CSTF3: variants seen among roughly 807,000 people sequenced by gnomAD.
CSTF3 encodes the protein cleavage stimulation factor subunit 3, also known as CF-1 77 kDa subunit.
Under a neutral mutation model 105.8 loss-of-function variants are expected in CSTF3, and 29 were observed. The observed-to-expected ratio is 0.27, with a 90% CI of 0.20 to 0.37. The LOEUF (loss-of-function observed/expected upper bound fraction) is 0.37. Among genes scored for constraint, CSTF3 ranks in the 10% least tolerant of loss-of-function variants. The probability of loss-of-function intolerance (pLI) is 1.00; values close to 1 mark genes in which losing one functional copy is unlikely to be tolerated. For synonymous variants in CSTF3, 252 were observed against 281.9 expected (o/e 0.89, Z 1.06); for missense variants, 357 against 879.3 (o/e 0.41, Z 7.51).
chr11:33,108,368 A>C lies in CSTF3; in HGVS notation c.258+18T>G. The C allele has an allele frequency of 6.8e-7, 1 of 1,462,058 alleles. No individual in the cohort carries two copies. The highest frequency in any genetic ancestry group is 9.1e-7 in the Non-Finnish European group (1 of 1,095,232). The allele number at this position is 1,462,058 out of a possible 1,614,324, so 90.6% of individuals were successfully genotyped here. On this transcript the variant is annotated intron_variant, in intron 4 of 20. Coordinates refer to ENST00000323959, the MANE Select transcript of CSTF3 (RefSeq NM_001326.3). ...AAGTTAAACTTCAATATAAAATTCA[A>C]AGTATTTGAGGACTCACCTTTTCAA... is the stretch of plus-strand genomic sequence containing the variant.
At chr11:33,119,083 GT>G (rs1416935119) in intron 3 of CSTF3, among the ~76,000 whole-genome samples, 1 of 151,446 alleles carries the variant, frequency 6.6e-6, no homozygotes, top group Non-Finnish European at 1.5e-5. Flanking sequence ...CAGAGGGGAA[GT>G]TGTTCAGAAA....
chr11:33,141,387 TA>T, intron 3 of CSTF3: 1 of 1,143,820 alleles, frequency 8.7e-7, no homozygotes, highest in Non-Finnish European at 1.1e-6. Flanking sequence ...CAGGAGGCAA[TA>T]AATTGACACA....
At chr11:33,158,596 G>A (rs546443474) in intron 1 of CSTF3, among the ~76,000 whole-genome samples, 30 of 152,274 alleles carry the variant, frequency 2.0e-4, no homozygotes, top group Admixed American at 1.8e-3. Context: ...TAACTGCAAA[G>A]GGGAACATGA....
chr11:33,143,238 A>G (rs926001963), intron 1 of CSTF3, among the ~76,000 whole-genome samples: 1 of 152,254 alleles, frequency 6.6e-6, no homozygotes, highest in African/African-American at 2.4e-5. Context: ...GATAAGCAGT[A>G]GAATTAGAGG....
intron 1 of CSTF3, 112 bp downstream of exon 1, chr11:33,161,187 C>G (rs1345702751): frequency 8.8e-7 from 1 of 1,135,138 alleles, no homozygotes; most frequent in Non-Finnish European, 1.3e-6. Context: ...TATACCCTGT[C>G]CCCCGGGTTC....
chr11:33,103,796 C>T lies in CSTF3; in HGVS notation c.586-612G>A, dbSNP rs1040386077. On this transcript the variant is annotated intron_variant, in intron 8 of 20. Coordinates refer to ENST00000323959, the MANE Select transcript of CSTF3 (RefSeq NM_001326.3). The stretch of plus-strand genomic sequence containing the variant: ...AAGAAAAAAAAAATATGTACAGATT[C>T]ATCTGGGTGAATAGCCATGGCTTGA... Among the ~76,000 whole-genome samples, 36 of 151,982 alleles carry T rather than the reference C, an allele frequency of 2.4e-4. 1 individual carries two copies. Among genetic ancestry groups the T allele is most frequent in the African/African-American group, 8.5e-4 (35 of 41,380 alleles).
intron 3 of CSTF3, among the ~76,000 whole-genome samples, chr11:33,111,099 C>T (rs956512740): frequency 2.0e-5 from 3 of 151,738 alleles, no homozygotes; most frequent in Admixed American, 6.6e-5. Context: ...ACATAGTGGC[C>T]GGCGCCTGTA....
At chr11:33,140,299 T>A (rs1334767624) in intron 3 of CSTF3, among the ~76,000 whole-genome samples, 3 of 151,938 alleles carry the variant, frequency 2.0e-5, no homozygotes, top group African/African-American at 7.2e-5. Flanking sequence ...TTTAAATATA[T>A]TAAGGAAAGA....
At chr11:33,098,663 GA>G (rs1417685894) in intron 13 of CSTF3, 26 bp downstream of exon 13, 43 of 1,426,256 alleles carry the variant, frequency 3.0e-5, no homozygotes, top group Middle Eastern at 1.8e-4. Flanking sequence ...TGTAAAGGTG[GA>G]AAAAAAGATT....
In CSTF3 at chr11:33,103,113, T is replaced by A; in HGVS notation, c.657A>T (p.Val219=). 1 of 1,562,946 alleles carries A rather than the reference T, an allele frequency of 6.4e-7. No homozygotes were observed. Among genetic ancestry groups the A allele is most frequent in the Non-Finnish European group, 8.7e-7 (1 of 1,152,880 alleles). The change falls in exon 9 of 21, where the codon GTA becomes GTT. Residue 219 remains valine (V), a synonymous_variant. Coordinates refer to ENST00000323959, the MANE Select transcript of CSTF3 (RefSeq NM_001326.3). ...RSRDYMNARR[V]AKEYETVMKG... ...GCCTGATGGAATTCCATACCTTTGC[T>A]ACACGTCTAGCATTCATATAATCTC...
chr11:33,115,822 C>G (rs181312718), intron 3 of CSTF3, among the ~76,000 whole-genome samples: 4 of 152,158 alleles, frequency 2.6e-5, no homozygotes, highest in Non-Finnish European at 4.4e-5. Flanking sequence ...ATGCCTATAT[C>G]TCAGCATTTT....
chr11:33,131,994 G>C (rs1279323153), intron 3 of CSTF3, among the ~76,000 whole-genome samples: 1 of 152,122 alleles, frequency 6.6e-6, no homozygotes, highest in Non-Finnish European at 1.5e-5. Flanking sequence ...CCTATGTAGA[G>C]GTGCACAGGT....
intron 3 of CSTF3, among the ~76,000 whole-genome samples, chr11:33,135,857 G>A (rs1855647916): frequency 1.3e-5 from 2 of 152,068 alleles, no homozygotes; most frequent in African/African-American, 4.8e-5. Flanking sequence ...CTGAAATGTT[G>A]CATTTAAATA....
chr11:33,131,677 T>G (rs923975657), intron 3 of CSTF3, among the ~76,000 whole-genome samples: 1 of 148,754 alleles, frequency 6.7e-6, no homozygotes, highest in African/African-American at 2.4e-5. Flanking sequence ...AAACCCCATC[T>G]CTACTAAAAA....
At position 33,096,316 on chromosome 11, in the gene CSTF3, A is replaced by G. The variant is rs760168552; in HGVS notation, c.1365T>C (p.Ser455=). The change falls in exon 15 of 21, where the codon TCT becomes TCC. Residue 455 remains serine (S), a synonymous_variant. Transcript: ENST00000323959. ...CTAGAATCAACCTACCATTGAGGTG[A>G]GAAAGATAGTCAATATAGGCCAGGA... ...EYVLAYIDYL[S]HLNEDNNTRV... The G allele has an allele frequency of 2.0e-5, 32 of 1,562,738 alleles. No homozygotes were observed. The highest frequency in any genetic ancestry group is 2.4e-5 in the Non-Finnish European group (28 of 1,162,566).
chr11:33,153,542 G>A (rs538662668), intron 1 of CSTF3, among the ~76,000 whole-genome samples: 45 of 152,152 alleles, frequency 3.0e-4, no homozygotes, highest in African/African-American at 1.0e-3. Flanking sequence ...GGAGGCTGAG[G>A]TGGGAGGAGT....
At chr11:33,126,116 G>A (rs1174263166) in intron 3 of CSTF3, among the ~76,000 whole-genome samples, 2 of 152,082 alleles carry the variant, frequency 1.3e-5, no homozygotes, top group Non-Finnish European at 1.5e-5. Context: ...AAAATCCAAT[G>A]TTCACTGAGG....
intron 16 of CSTF3, 83 bp from the exon 17 acceptor site, chr11:33,090,810 T>C (rs1203673228): frequency 7.2e-6 from 6 of 834,932 alleles, no homozygotes; most frequent in Non-Finnish European, 5.2e-6. Flanking sequence ...CCTTAAGCTC[T>C]CTCTTTTTCC....
At chr11:33,126,353 G>A (rs1855542687) in intron 3 of CSTF3, among the ~76,000 whole-genome samples, 1 of 151,982 alleles carries the variant, frequency 6.6e-6, no homozygotes, top group Admixed American at 6.5e-5. Context: ...TGAAGTGGGA[G>A]GAACACTTCA....
Sources: allele counts gnomAD v4.1 joint callset (sites outside exome capture counted in the v4.1 genomes callset), GRCh38; gene constraint gnomAD v4.1.1; transcripts MANE v1.5; gene names NCBI Gene and HGNC (gene_info 2026-07-23, HGNC 2026-07-21).